TMEM138: variants seen among roughly 807,000 people sequenced by gnomAD.
TMEM138 encodes transmembrane protein 138.
TMEM138 carries 9 observed loss-of-function variants against 18.1 expected under a neutral mutation model. The ratio of observed to expected loss-of-function variants is 0.50; its 90% CI spans 0.30 to 0.87. TMEM138 has a LOEUF of 0.87. Ranked by LOEUF, TMEM138 falls within the 40% of genes least tolerant of loss-of-function variation. The pLI, the probability that TMEM138 is intolerant of heterozygous loss-of-function variation, is 0.06. For missense variants in TMEM138, 189 were observed against 190.6 expected (o/e 0.99, Z 0.05); for synonymous variants, 79 against 74.8 (o/e 1.06, Z -0.29).
rs1250675383 is a variant in TMEM138 at position 61,369,250 on chromosome 11, A to C, written c.*541A>C. 6.5e-6 allele frequency: 1 copy of C among 153,286 alleles called. No homozygotes were observed. Among genetic ancestry groups the C allele is most frequent in the African/African-American group, 2.4e-5 (1 of 41,470 alleles). 9.5% of individuals were successfully genotyped at this position (153,286 alleles called of 1,614,324 possible). On this transcript the variant is annotated 3_prime_UTR_variant, in exon 5 of 5. Transcript: ENST00000278826. Reference sequence around the variant, plus strand: ...CTGTCTAGCTAGATCTCTTCATGTTAAGAGGCGTGCCAAGGTCCAGCTTAA... The same window carrying C: ...CTGTCTAGCTAGATCTCTTCATGTTCAGAGGCGTGCCAAGGTCCAGCTTAA...
In TMEM138 at chr11:61,365,788, A is replaced by C. The variant is rs959240158; in HGVS notation, c.129-257A>C. ...ACTATGTATGGAAGAAATTTTAAAAATAAAAAAGAGTATTAGAGCAGGAAA... is the reference window on the plus strand; with the variant it reads ...ACTATGTATGGAAGAAATTTTAAAACTAAAAAAGAGTATTAGAGCAGGAAA... On this transcript the variant is annotated intron_variant, in intron 2 of 4. Transcript: ENST00000278826. The C allele has an allele frequency of 1.9e-5, 7 of 362,452 alleles. No individual in the cohort carries two copies. The Admixed American group carries it at 3.1e-4, about 16-fold the overall frequency. 22.5% of individuals were successfully genotyped at this position (362,452 alleles called of 1,614,324 possible).
chr11:61,372,214 A>C (rs2135172577), downstream of TMEM138, among the ~76,000 whole-genome samples: 1 of 151,676 alleles, frequency 6.6e-6, no homozygotes, highest in South Asian at 2.1e-4. Flanking sequence ...TGCCTAAAGA[A>C]TTGAAGTATT....
At chr11:61,371,611 C>G (rs1009661800), downstream of TMEM138, among the ~76,000 whole-genome samples, 1 of 152,224 alleles carries the variant, frequency 6.6e-6, no homozygotes, top group Admixed American at 6.5e-5. Flanking sequence ...GAAAGCCGAA[C>G]TCTAAAATAC....
At chr11:61,366,023 G>T (rs949259859) in intron 2 of TMEM138, 22 bp from the exon 3 acceptor site, 1 of 1,603,018 alleles carries the variant, frequency 6.2e-7, no homozygotes, top group Non-Finnish European at 8.5e-7. Context: ...TTCATTGGTT[G>T]TACTTTTTTT....
chr11:61,368,799 C>A lies in TMEM138; in HGVS notation c.*90C>A. ...AGAGTTGGCCCTATGCATGGGCAAA[C>A]AGCTGGACTTTCCAAGGAAGGTTCA... is the stretch of plus-strand genomic sequence containing the variant. On this transcript the variant is annotated 3_prime_UTR_variant, in exon 5 of 5. Coordinates refer to ENST00000278826, the MANE Select transcript of TMEM138 (RefSeq NM_016464.5). The A allele has an allele frequency of 1.1e-6, 1 of 950,572 alleles. No homozygotes were observed. Among genetic ancestry groups the A allele is most frequent in the Non-Finnish European group, 1.7e-6 (1 of 597,180 alleles). 58.9% of individuals were successfully genotyped at this position (950,572 alleles called of 1,614,324 possible). A position where few individuals can be genotyped will look rare whatever the true frequency, so the allele number is the denominator to read the frequency against.
intron 4 of TMEM138, 50 bp from the exon 5 acceptor site, chr11:61,368,547 A>G (rs1486511419): frequency 7.5e-7 from 1 of 1,340,706 alleles, no homozygotes; most frequent in South Asian, 1.2e-5. Context: ...TTAACCTGAA[A>G]TGATACTCAG....
chr11:61,365,502 A>T (rs1858112298), intron 2 of TMEM138, among the ~76,000 whole-genome samples: 2 of 152,032 alleles, frequency 1.3e-5, no homozygotes, highest in Non-Finnish European at 2.9e-5. Flanking sequence ...GGCTGGTCTC[A>T]AACTCTTGAC....
chr11:61,368,484 C>G (rs2135164869), intron 4 of TMEM138, 113 bp from the exon 5 acceptor site: 1 of 678,922 alleles, frequency 1.5e-6, no homozygotes, highest in Admixed American at 2.3e-5. Flanking sequence ...CCTCTGCCTC[C>G]TAAAGTGCTG....
downstream of TMEM138, among the ~76,000 whole-genome samples, chr11:61,373,978 G>C (rs1356141314): frequency 6.6e-6 from 1 of 151,998 alleles, no homozygotes; most frequent in Non-Finnish European, 1.5e-5. Flanking sequence ...AAGTAGCTGG[G>C]ATTACAGATG....
At chr11:61,368,491 G>T (rs1858234654) in intron 4 of TMEM138, 106 bp from the exon 5 acceptor site, 4 of 702,726 alleles carry the variant, frequency 5.7e-6, no homozygotes, top group Non-Finnish European at 7.6e-6. Context: ...CTCCTAAAGT[G>T]CTGGGATTAC....
downstream of TMEM138, among the ~76,000 whole-genome samples, chr11:61,370,299 G>C (rs938309021): frequency 6.6e-6 from 1 of 152,178 alleles, no homozygotes; most frequent in Non-Finnish European, 1.5e-5. Flanking sequence ...CCTGAGGAGG[G>C]ACAGTCCACA....
At chr11:61,369,927 C>T (rs1322609649), downstream of TMEM138, among the ~76,000 whole-genome samples, 1 of 152,192 alleles carries the variant, frequency 6.6e-6, no homozygotes, top group African/African-American at 2.4e-5. Flanking sequence ...AGGCAAGTCA[C>T]GCAACTAAGC....
Position 61,366,113 on chromosome 11 carries a change from TC to T in TMEM138, c.199del (p.Gln67ArgfsTer18). ...CTCATGTTCTTCAACACCTTCGTCT[TC>T]CAGGCTGGCCTGGTCAACCTCCTAT... ...IFLMFFNTFV[F>X]QAGLVNLLFH... is the part of the protein sequence containing the mutation. On this transcript the variant is annotated frameshift_variant, in exon 3 of 5. Coordinates refer to ENST00000278826, the MANE Select transcript of TMEM138 (RefSeq NM_016464.5). LOFTEE classifies it high-confidence loss of function. 6.2e-7 allele frequency: 1 copy of T among 1,614,230 alleles called. No individual in the cohort carries two copies. The highest frequency in any genetic ancestry group is 1.7e-5 in the Admixed American group (1 of 60,026).
Position 61,368,579 on chromosome 11 carries a change from T to A in TMEM138, c.377-18T>A. 1 of 1,582,778 alleles carries A rather than the reference T, an allele frequency of 6.3e-7. No homozygotes were observed. The highest frequency in any genetic ancestry group is 1.1e-5 in the South Asian group (1 of 90,386). Reference sequence around the variant, plus strand: ...TCAGGAGCACCCCTGAGGCTTCTCTTCTGCTTCCTCCCCACAGCAGCAGTG... The same window carrying A: ...TCAGGAGCACCCCTGAGGCTTCTCTACTGCTTCCTCCCCACAGCAGCAGTG... On this transcript the variant is annotated intron_variant, in intron 4 of 4. Coordinates refer to ENST00000278826, the MANE Select transcript of TMEM138 (RefSeq NM_016464.5).
At position 61,364,331 on chromosome 11, in the gene TMEM138, G is replaced by A. The variant is rs535287427; in HGVS notation, c.-60G>A. The A allele has an allele frequency of 4.4e-6, 7 of 1,596,528 alleles. No homozygotes were observed. Among genetic ancestry groups the A allele is most frequent in the South Asian group, 1.1e-5 (1 of 89,296 alleles). The stretch of plus-strand genomic sequence containing the variant: ...TCCCTCAGTGGTAGGGAGACAGCCA[G>A]GAGCGGTTTTCTGGGAACTGTGGGA... On this transcript the variant is annotated 5_prime_UTR_variant, in exon 2 of 5. Transcript: ENST00000278826.
downstream of TMEM138, among the ~76,000 whole-genome samples, chr11:61,370,793 A>G (rs887076265): frequency 6.6e-6 from 1 of 152,102 alleles, no homozygotes. Context: ...GCTTCCATAG[A>G]CTATAGGATA....
Position 61,368,864 on chromosome 11 carries a change from T to G in TMEM138, c.*155T>G. 1.5e-6 allele frequency: 1 copy of G among 645,316 alleles called. No homozygotes were observed. Among genetic ancestry groups the G allele is most frequent in the Non-Finnish European group, 2.8e-6 (1 of 358,080 alleles). The allele number at this position is 645,316 out of a possible 1,614,324, so 40.0% of individuals were successfully genotyped here. A position where few individuals can be genotyped will look rare whatever the true frequency, so the allele number is the denominator to read the frequency against. Reference sequence around the variant, plus strand: ...AGCATTCAAGAAGGAAGATCCTCCCTCTTGCACAATTAGAGTGTCCCCATC... The same window carrying G: ...AGCATTCAAGAAGGAAGATCCTCCCGCTTGCACAATTAGAGTGTCCCCATC... On this transcript the variant is annotated 3_prime_UTR_variant, in exon 5 of 5. Coordinates refer to ENST00000278826, the MANE Select transcript of TMEM138 (RefSeq NM_016464.5).
chr11:61,374,404 G>C (rs1858408770), downstream of TMEM138, among the ~76,000 whole-genome samples: 2 of 151,960 alleles, frequency 1.3e-5, no homozygotes, highest in Non-Finnish European at 2.9e-5. Context: ...ACCTGTCTCA[G>C]CCTCCCAAAG....
intron 3 of TMEM138, 21 bp from the exon 4 acceptor site, chr11:61,367,902 T>C (rs1858208677): frequency 6.4e-7 from 1 of 1,564,322 alleles, no homozygotes; most frequent in Admixed American, 1.7e-5. Flanking sequence ...TTAACTTTTG[T>C]GTATCTCACA....
Sources: allele counts gnomAD v4.1 joint callset (sites outside exome capture counted in the v4.1 genomes callset), GRCh38; gene constraint gnomAD v4.1.1; transcripts MANE v1.5; gene names NCBI Gene and HGNC (gene_info 2026-07-23, HGNC 2026-07-21).